Variants in YTHDC1 observed in about 807,000 individuals in gnomAD.
YTHDC1 encodes the protein YTH domain-containing protein 1.
In YTHDC1, 12 loss-of-function variants were observed where a neutral mutation model predicts 107.0. The observed-to-expected ratio is 0.11, with a 90% CI of 0.07 to 0.18. The LOEUF is 0.18. Among genes scored for constraint, YTHDC1 ranks in the 10% least tolerant of loss-of-function variants. The pLI is 1.00. For synonymous variants in YTHDC1, 280 were observed against 289.5 expected, an observed-to-expected ratio of 0.97 and a Z score of 0.33; for missense variants, 635 against 898.8, an observed-to-expected ratio of 0.71 and a Z score of 3.75.
intron 1 of YTHDC1, among the ~76,000 whole-genome samples, chr4:68,348,194 G>A (rs920012889): frequency 1.3e-5 from 2 of 152,100 alleles, no homozygotes; most frequent in Admixed American, 6.6e-5. Context: ...GTGCATTACT[G>A]CGTCTACTCT....
chr4:68,347,358 T>TTAAC (rs1725567220), intron 1 of YTHDC1, among the ~76,000 whole-genome samples: 1 of 152,218 alleles, frequency 6.6e-6, no homozygotes, highest in Non-Finnish European at 1.5e-5. Context: ...TTAATATTAG[T>TTAAC]TAACACCAAC....
At chr4:68,325,164 GA>G (rs1374515161) in intron 9 of YTHDC1, among the ~76,000 whole-genome samples, 1 of 152,150 alleles carries the variant, frequency 6.6e-6, no homozygotes, top group Non-Finnish European at 1.5e-5. Flanking sequence ...ACAAAGACGA[GA>G]AAGATAAGAG....
intron 1 of YTHDC1, among the ~76,000 whole-genome samples, chr4:68,348,308 C>G (rs998631641): frequency 3.3e-5 from 5 of 152,184 alleles, no homozygotes; most frequent in African/African-American, 7.2e-5. Flanking sequence ...ACAACCACTA[C>G]AGACTCCCAT....
chr4:68,322,358 C>G lies in YTHDC1; in HGVS notation c.1601+391G>C, dbSNP rs923710259. 1 of 164,028 alleles carries G rather than the reference C, an allele frequency of 6.1e-6. No homozygotes were observed. Among genetic ancestry groups the G allele is most frequent in the African/African-American group, 2.4e-5 (1 of 41,934 alleles). The allele number at this position is 164,028 out of a possible 1,614,324, so 10.2% of individuals were successfully genotyped here. A position where few individuals can be genotyped will look rare whatever the true frequency, so the allele number is the denominator to read the frequency against. ...CTGATAAGGCTTATCCAGAGACATA[C>G]CTGAAAGAAAAGGCTTTTTAAAAAG... is the stretch of plus-strand genomic sequence containing the variant. On this transcript the variant is annotated intron_variant, in intron 11 of 16. Coordinates refer to ENST00000344157, the MANE Select transcript of YTHDC1 (RefSeq NM_001031732.4). This position sits in a 1 kb window ranked among gnomAD's most constrained non-coding sequence, Gnocchi z 4.8.
At chr4:68,339,008 CT>C (rs1383720720) in intron 1 of YTHDC1, among the ~76,000 whole-genome samples, 5 of 152,154 alleles carry the variant, frequency 3.3e-5, no homozygotes, top group Non-Finnish European at 7.3e-5. Flanking sequence ...TTTCTGAGGG[CT>C]TTAAAATGTG....
intron 6 of YTHDC1, 134 bp downstream of exon 6, chr4:68,332,660 T>C (rs1723723414): frequency 4.2e-6 from 3 of 720,610 alleles, no homozygotes; most frequent in South Asian, 3.9e-5. Flanking sequence ...CTTTCTATGT[T>C]AAGATATTAT....
intron 11 of YTHDC1, among the ~76,000 whole-genome samples, chr4:68,320,684 A>C (rs1194897012): frequency 2.0e-5 from 3 of 152,136 alleles, no homozygotes; most frequent in African/African-American, 7.2e-5. Flanking sequence ...GTCTAAACAA[A>C]ATTAAGAATT....
chr4:68,350,043 G>C lies in YTHDC1; in HGVS notation c.-290C>G. On this transcript the variant is annotated 5_prime_UTR_variant, in exon 1 of 17. Transcript: ENST00000344157. Reference sequence around the variant, plus strand: ...GAAACAGATGGCGACGGCGGGCGGCGCTAAAATGGAGCCTGCTTCCTGCGC... The same window carrying C: ...GAAACAGATGGCGACGGCGGGCGGCCCTAAAATGGAGCCTGCTTCCTGCGC... 1.8e-6 allele frequency: 1 copy of C among 544,466 alleles called. No individual in the cohort carries two copies. The highest frequency in any genetic ancestry group is 3.3e-6 in the Non-Finnish European group (1 of 305,998). 33.7% of individuals were successfully genotyped at this position (544,466 alleles called of 1,614,324 possible).
At chr4:68,323,498 C>A (rs1722656563) in intron 10 of YTHDC1, among the ~76,000 whole-genome samples, 1 of 152,166 alleles carries the variant, frequency 6.6e-6, no homozygotes, top group African/African-American at 2.4e-5. Context: ...GAGCCCCAGG[C>A]AGGCGGATCG....
chr4:68,347,581 G>T (rs774240892), intron 1 of YTHDC1, among the ~76,000 whole-genome samples: 75 of 152,136 alleles, frequency 4.9e-4, no homozygotes, highest in Admixed American at 4.9e-3. Context: ...ACTGTTCTGT[G>T]ATTAATATAA....
At chr4:68,319,027 A>G (rs370282115) in intron 12 of YTHDC1, among the ~76,000 whole-genome samples, 165 bp from the exon 13 acceptor site, 3 of 152,192 alleles carry the variant, frequency 2.0e-5, no homozygotes, top group South Asian at 4.1e-4. Flanking sequence ...CTCAGATTAC[A>G]TGATAATCTA....
chr4:68,346,086 TATATATATATATATACACACACACCTGCA>T, intron 1 of YTHDC1, among the ~76,000 whole-genome samples: 1 of 131,868 alleles, frequency 7.6e-6, no homozygotes, highest in Non-Finnish European at 1.6e-5. Context: ...TACATATATA[TATATATATATATATACACACACACCTGCA>T]TGTAACCGTC....
At position 68,327,699 on chromosome 4, in the gene YTHDC1, A is replaced by T. The variant is rs561108230; in HGVS notation, c.1349+2303T>A. Among the ~76,000 whole-genome samples, 3 of 152,324 alleles carry T rather than the reference A, an allele frequency of 2.0e-5. No homozygotes were observed. In the East Asian group the frequency reaches 5.8e-4, roughly 29 times the overall value. On this transcript the variant is annotated intron_variant, in intron 9 of 16. Transcript: ENST00000344157. ...TAACAGCAGTTACTGTTGATAGCAA[A>T]GTCCTGACCATTTCTATTTATTAAA... is the stretch of plus-strand genomic sequence containing the variant.
At chr4:68,324,061 A>T in intron 10 of YTHDC1, 78 bp downstream of exon 10, 1 of 1,323,624 alleles carries the variant, frequency 7.6e-7, no homozygotes, top group Non-Finnish European at 1.1e-6. Flanking sequence ...AGAAACGGTT[A>T]AAACGAATAC....
At chr4:68,329,036 A>C (rs961769858) in intron 9 of YTHDC1, among the ~76,000 whole-genome samples, 1 of 152,196 alleles carries the variant, frequency 6.6e-6, no homozygotes, top group Non-Finnish European at 1.5e-5. Flanking sequence ...ATGTCACTAC[A>C]CAGTAAGTGA....
intron 16 of YTHDC1, among the ~76,000 whole-genome samples, chr4:68,315,386 T>C (rs1173264067): frequency 1.3e-5 from 2 of 152,194 alleles, no homozygotes; most frequent in Non-Finnish European, 2.9e-5. Context: ...AAAGCTGCTC[T>C]GATTCTCACA....
chr4:68,318,393 C>A, intron 15 of YTHDC1, 126 bp downstream of exon 15: 2 of 946,118 alleles, frequency 2.1e-6, no homozygotes, highest in Non-Finnish European at 1.6e-6. Context: ...CAGGTGTGAG[C>A]CACGGCGCCT....
Position 68,318,543 on chromosome 4 carries a change from T to C in YTHDC1, c.1800A>G (p.Gly600=). 6.2e-7 allele frequency: 1 copy of C among 1,612,880 alleles called. No homozygotes were observed. Among genetic ancestry groups the C allele is most frequent in the Non-Finnish European group, 8.5e-7 (1 of 1,179,512 alleles). ...CCATTCCTTGCCAAGGTGGTGGTGGTCCCATGTTATGAAATTCCCTCACAT... is the reference window on the plus strand; with the variant it reads ...CCATTCCTTGCCAAGGTGGTGGTGGCCCCATGTTATGAAATTCCCTCACAT... The part of the protein sequence containing the change: ...NDYVREFHNM[G]PPPPWQGMPP... The change falls in exon 15 of 17, where the codon GGA becomes GGG. Residue 600 remains glycine, a synonymous_variant. Transcript: ENST00000344157.
chr4:68,346,868 T>C (rs1046878142), intron 1 of YTHDC1, among the ~76,000 whole-genome samples: 10 of 152,136 alleles, frequency 6.6e-5, no homozygotes, highest in African/African-American at 2.2e-4. Flanking sequence ...GAAAAAAACA[T>C]AGTATAGATA....
Sources: allele counts gnomAD v4.1 joint callset (sites outside exome capture counted in the v4.1 genomes callset), GRCh38; gene constraint gnomAD v4.1.1; non-coding constraint Gnocchi (gnomAD v3.1); transcripts MANE v1.5; gene names NCBI Gene and HGNC (gene_info 2026-07-23, HGNC 2026-07-21).